The following PCDH9 variants were observed in gnomAD, a reference collection of about 807,000 sequenced individuals.
The protein encoded by PCDH9 is protocadherin-9.
Under a neutral mutation model 70.6 loss-of-function variants are expected in PCDH9, and 24 were observed. The observed-to-expected ratio is 0.34, with a 90% confidence interval of 0.25 to 0.48. PCDH9 has a LOEUF of 0.48. Ranked by LOEUF, PCDH9 falls within the 20% of genes least tolerant of loss-of-function variation. PCDH9 has a pLI of 0.99. For missense variants in PCDH9, 1,281 were observed against 1,503.6 expected, an observed-to-expected ratio of 0.85 and a Z score of 2.45; for synonymous variants, 562 against 558.5, an observed-to-expected ratio of 1.01 and a Z score of -0.09.
At chr13:66,606,162 G>A (rs73196691) in intron 4 of PCDH9, among the ~76,000 whole-genome samples, 24,632 of 152,082 alleles carry the variant, frequency 0.16, 2,177 homozygotes, top group Middle Eastern at 0.22. Context: ...ATGAGGACAG[G>A]CAGAGGGAAC....
At chr13:66,785,672 C>T (rs1245202230) in intron 3 of PCDH9, among the ~76,000 whole-genome samples, 1 of 152,014 alleles carries the variant, frequency 6.6e-6, no homozygotes, top group Non-Finnish European at 1.5e-5. Context: ...TTTGGCTATA[C>T]TTCCTTTGAT....
At chr13:66,466,201 C>T (rs1195547129) in intron 4 of PCDH9, among the ~76,000 whole-genome samples, 1 of 151,810 alleles carries the variant, frequency 6.6e-6, no homozygotes, top group Admixed American at 6.6e-5. Context: ...TCCTCTCCTC[C>T]CCTCCTTCTC....
At chr13:66,779,849 C>CTCTCTCTCTCTATATATATA (rs1395244975) in intron 3 of PCDH9, among the ~76,000 whole-genome samples, 6 of 78,920 alleles carry the variant, frequency 7.6e-5, no homozygotes, top group African/African-American at 3.1e-4. Flanking sequence ...CTCTCTCTCT[C>CTCTCTCTCTCTATATATATA]TATATATATA....
intron 3 of PCDH9, among the ~76,000 whole-genome samples, chr13:66,636,359 GATCTCTT>G (rs1187136858): frequency 6.6e-6 from 1 of 152,022 alleles, no homozygotes; most frequent in Admixed American, 6.6e-5. Context: ...ACAATCTTCT[GATCTCTT>G]TTCTGTTATT....
intron 4 of PCDH9, among the ~76,000 whole-genome samples, chr13:66,586,072 G>C (rs1306804128): frequency 1.3e-5 from 2 of 152,148 alleles, no homozygotes; most frequent in Non-Finnish European, 2.9e-5. Flanking sequence ...AGGAGCAAGG[G>C]AAAGCATTCA....
chr13:67,176,810 C>T (rs1343710935), intron 2 of PCDH9, among the ~76,000 whole-genome samples: 2 of 151,954 alleles, frequency 1.3e-5, no homozygotes, highest in African/African-American at 4.8e-5. Context: ...TTTATCAACC[C>T]TCCCTCTAAA....
chr13:67,025,318 CCAA>C (rs945079382), intron 2 of PCDH9, among the ~76,000 whole-genome samples: 3 of 152,084 alleles, frequency 2.0e-5, no homozygotes, highest in African/African-American at 7.2e-5. Context: ...AAAACATCAA[CCAA>C]CAAGTCATTT....
intron 2 of PCDH9, among the ~76,000 whole-genome samples, chr13:67,130,997 A>G (rs1179899796): frequency 6.6e-6 from 1 of 152,124 alleles, no homozygotes; most frequent in Admixed American, 6.6e-5. Context: ...ACATACTCTA[A>G]TGCCCTTTTC....
rs116028024 is a variant in PCDH9, at chr13:67,072,954, A to T, written c.3036+152451T>A. 7.9e-3 allele frequency among the ~76,000 whole-genome samples: 1,201 copies of T among 152,310 alleles called. 21 individuals carry two copies. The highest frequency in any genetic ancestry group is 0.027 in the African/African-American group (1,117 of 41,582). On this transcript the variant is annotated intron_variant, in intron 2 of 4. Transcript: ENST00000377865. ...TTTTTGTTCTTCCAACAAAAGAAAA[A>T]TTTTGAAATAATGGTTGACCACATG...
At chr13:66,530,209 C>T (rs1250600667) in intron 4 of PCDH9, among the ~76,000 whole-genome samples, 1 of 152,024 alleles carries the variant, frequency 6.6e-6, no homozygotes, top group African/African-American at 2.4e-5. Context: ...GTACTTTTGT[C>T]TACAGAAAGA....
At chr13:66,643,556 G>C (rs1444956235) in intron 3 of PCDH9, among the ~76,000 whole-genome samples, 1 of 152,024 alleles carries the variant, frequency 6.6e-6, no homozygotes, top group Non-Finnish European at 1.5e-5. Context: ...ACCTATCTCA[G>C]TTATTTGTGC....
chr13:67,077,718 C>T (rs183332785), intron 2 of PCDH9, among the ~76,000 whole-genome samples: 1 of 152,152 alleles, frequency 6.6e-6, no homozygotes, highest in Admixed American at 6.5e-5. Flanking sequence ...TATCTCACCC[C>T]AATATTTGAT....
chr13:66,977,033 T>A (rs1258399491), intron 2 of PCDH9, among the ~76,000 whole-genome samples: 1 of 152,136 alleles, frequency 6.6e-6, no homozygotes, highest in Non-Finnish European at 1.5e-5. Flanking sequence ...TAGTCTGTCA[T>A]CTTTAAATGC....
At chr13:66,447,506 TA>T (rs1203566562) in intron 4 of PCDH9, among the ~76,000 whole-genome samples, 1 of 152,058 alleles carries the variant, frequency 6.6e-6, no homozygotes, top group Non-Finnish European at 1.5e-5. Flanking sequence ...TTTTTGCAAA[TA>T]AAAAAATTAA....
chr13:67,178,634 C>T (rs1245604941), intron 2 of PCDH9, among the ~76,000 whole-genome samples: 1 of 151,976 alleles, frequency 6.6e-6, no homozygotes, highest in Non-Finnish European at 1.5e-5. Flanking sequence ...CTCTTAAGTG[C>T]CACTCTTATT....
intron 3 of PCDH9, among the ~76,000 whole-genome samples, chr13:66,717,480 A>ATATAT (rs1215528082): frequency 2.3e-5 from 1 of 44,436 alleles, no homozygotes; most frequent in African/African-American, 8.8e-5. Flanking sequence ...AAAAAAAAAA[A>ATATAT]ATATATATAT....
In PCDH9 at chr13:67,106,660, C is replaced by T. The variant is rs566773480; in HGVS notation, c.3036+118745G>A. Among the ~76,000 whole-genome samples the T allele has an allele frequency of 1.5e-4, 23 of 152,330 alleles. 1 individual carries two copies. In the South Asian group the frequency reaches 4.8e-3, roughly 32 times the overall value. ...ATGGGGACTGGGAACAGGCAGGAGA[C>T]CCGCCCTCCTGGGCACAGCTGCAGC... On this transcript the variant is annotated intron_variant, in intron 2 of 4. Coordinates refer to ENST00000377865, the MANE Select transcript of PCDH9 (RefSeq NM_203487.3).
chr13:66,360,525 C>T (rs1956452534), intron 4 of PCDH9, among the ~76,000 whole-genome samples: 1 of 152,080 alleles, frequency 6.6e-6, no homozygotes, highest in African/African-American at 2.4e-5. Flanking sequence ...TTAAAGGAGA[C>T]ATGAAATAGT....
At chr13:66,334,788 C>T (rs1366445678) in intron 4 of PCDH9, among the ~76,000 whole-genome samples, 1 of 151,618 alleles carries the variant, frequency 6.6e-6, no homozygotes, top group Non-Finnish European at 1.5e-5. Flanking sequence ...AGCTTCACAA[C>T]AAAAAAAATT....
Sources: gnomAD v4.1 joint callset for allele counts (sites outside exome capture counted in the v4.1 genomes callset) on GRCh38, gnomAD v4.1.1 for gene constraint, MANE v1.5 for transcripts, NCBI Gene and HGNC (gene_info 2026-07-23, HGNC 2026-07-21) for gene names.